CHRM5: variants seen among roughly 807,000 people sequenced by gnomAD.
CHRM5 encodes muscarinic acetylcholine receptor M5.
Under a neutral mutation model 39.0 loss-of-function variants are expected in CHRM5, and 18 were observed. The ratio of observed to expected loss-of-function variants is 0.46; its 90% CI spans 0.32 to 0.68. The LOEUF is 0.68. CHRM5 is among the 30% of genes least tolerant of loss of function. CHRM5 has a pLI of 0.04. For synonymous variants in CHRM5, 241 were observed against 246.3 expected, an observed-to-expected ratio of 0.98 and a Z score of 0.20; for missense variants, 515 against 651.1, an observed-to-expected ratio of 0.79 and a Z score of 2.28.
chr15:34,053,373 T>C (rs931835021), intron 2 of CHRM5, among the ~76,000 whole-genome samples: 12 of 136,836 alleles, frequency 8.8e-5, no homozygotes, highest in Non-Finnish European at 1.7e-4. Flanking sequence ...ATAGCCAAGA[T>C]AATCCGAAGG....
intron 2 of CHRM5, among the ~76,000 whole-genome samples, chr15:34,056,654 G>A (rs1900163217): frequency 6.6e-6 from 1 of 151,958 alleles, no homozygotes; most frequent in African/African-American, 2.4e-5. Flanking sequence ...TGTTAGCCTC[G>A]GCTCTCCTCA....
chr15:33,981,381 C>T (rs1435584531), intron 1 of CHRM5, among the ~76,000 whole-genome samples: 1 of 152,092 alleles, frequency 6.6e-6, no homozygotes, highest in Non-Finnish European at 1.5e-5. Flanking sequence ...AAACAAGTAG[C>T]AAGCATAAGA....
intron 1 of CHRM5, among the ~76,000 whole-genome samples, chr15:34,020,752 T>C (rs1438443003): frequency 2.0e-5 from 3 of 152,206 alleles, no homozygotes; most frequent in Admixed American, 1.3e-4. Flanking sequence ...TAAATGAAAT[T>C]AGGCCAAATT....
chr15:34,023,163 G>T (rs1170245511), intron 1 of CHRM5, among the ~76,000 whole-genome samples: 2 of 151,908 alleles, frequency 1.3e-5, no homozygotes, highest in Non-Finnish European at 2.9e-5. Flanking sequence ...CCTGGCAACA[G>T]AGCGAGACTC....
intron 1 of CHRM5, among the ~76,000 whole-genome samples, chr15:34,002,845 C>A (rs1242920059): frequency 1.3e-5 from 2 of 152,134 alleles, no homozygotes; most frequent in Non-Finnish European, 2.9e-5. Flanking sequence ...ACATGGAAAC[C>A]CTTACTTCCA....
At chr15:34,001,560 T>C (rs1897139307) in intron 1 of CHRM5, among the ~76,000 whole-genome samples, 1 of 152,182 alleles carries the variant, frequency 6.6e-6, no homozygotes, top group Non-Finnish European at 1.5e-5. Flanking sequence ...AAAGTGCTTA[T>C]AAACCCATAA....
chr15:34,057,499 T>C (rs1255240640), intron 2 of CHRM5, among the ~76,000 whole-genome samples: 1 of 152,184 alleles, frequency 6.6e-6, no homozygotes, highest in Non-Finnish European at 1.5e-5. Context: ...GAACATTCCC[T>C]TGTGTCAGGC....
Position 34,063,128 on chromosome 15 carries a change from A to T in CHRM5, c.411A>T (p.Thr137=), listed in dbSNP as rs1314372220. ...DRYFSITRPL[T]YRAKRTPKRA... ...ACTTTTCCATCACAAGACCCTTGAC[A>T]TATCGGGCCAAGCGTACTCCGAAAA... Residue 137 remains threonine, a synonymous_variant, in exon 3 of 3, where the codon ACA becomes ACT. Coordinates refer to ENST00000383263, the MANE Select transcript of CHRM5 (RefSeq NM_012125.4). The surrounding 1 kb of genome is among the most constrained non-coding windows in gnomAD (Gnocchi z 4.1). 6.2e-7 allele frequency: 1 copy of T among 1,614,124 alleles called. No homozygotes were observed. Among genetic ancestry groups the T allele is most frequent in the South Asian group, 1.1e-5 (1 of 91,080 alleles).
chr15:34,038,478 T>C (rs1417560013), intron 1 of CHRM5, among the ~76,000 whole-genome samples: 1 of 152,036 alleles, frequency 6.6e-6, no homozygotes, highest in Non-Finnish European at 1.5e-5. Context: ...CTTGCAGCCC[T>C]GACACACGGC....
intron 1 of CHRM5, among the ~76,000 whole-genome samples, chr15:33,973,695 T>TA (rs891046813): frequency 3.3e-5 from 5 of 152,084 alleles, no homozygotes; most frequent in East Asian, 1.9e-4. Context: ...ATCTAAAAGT[T>TA]AAAAAAATAA....
intron 1 of CHRM5, among the ~76,000 whole-genome samples, chr15:34,004,900 AT>A (rs1378506754): frequency 1.3e-5 from 2 of 152,154 alleles, no homozygotes; most frequent in Non-Finnish European, 2.9e-5. Flanking sequence ...ACATTACAAA[AT>A]CCTTATCAAG....
rs571187999 is a variant in CHRM5, at chr15:34,020,204, G to A, written c.-407-26336G>A. ...TGGGTGCCTGTAGTCCCAGCTACTC[G>A]GGAGGCTGAGGCAGGAGAATGGCGT... On this transcript the variant is annotated intron_variant, in intron 1 of 2. Coordinates refer to ENST00000383263, the MANE Select transcript of CHRM5 (RefSeq NM_012125.4). Among the ~76,000 whole-genome samples, 85 of 152,072 alleles carry A rather than the reference G, an allele frequency of 5.6e-4. 1 individual carries two copies. Among genetic ancestry groups the A allele is most frequent in the African/African-American group, 1.7e-3 (72 of 41,456 alleles).
chr15:34,002,716 A>C (rs1457727863), intron 1 of CHRM5, among the ~76,000 whole-genome samples: 5 of 152,222 alleles, frequency 3.3e-5, no homozygotes, highest in Non-Finnish European at 5.9e-5. Context: ...GTTTCCTCCA[A>C]TATCAAAGAA....
chr15:34,029,100 T>C (rs1274267407), intron 1 of CHRM5, among the ~76,000 whole-genome samples: 2 of 151,856 alleles, frequency 1.3e-5, no homozygotes, highest in South Asian at 2.1e-4. Flanking sequence ...CCCACCAGAG[T>C]AGACATTCAT....
At chr15:33,988,893 C>A (rs1305298173) in intron 1 of CHRM5, among the ~76,000 whole-genome samples, 2 of 152,166 alleles carry the variant, frequency 1.3e-5, no homozygotes, top group Non-Finnish European at 2.9e-5. Flanking sequence ...CCCTTGGATG[C>A]CCAGTTAACA....
intron 1 of CHRM5, among the ~76,000 whole-genome samples, chr15:33,977,568 T>C (rs1895941121): frequency 6.6e-6 from 1 of 152,182 alleles, no homozygotes. Flanking sequence ...CTTGCTCTCC[T>C]CCAAGGACAC....
intron 1 of CHRM5, among the ~76,000 whole-genome samples, chr15:34,010,919 T>C (rs894260201): frequency 6.6e-6 from 1 of 152,252 alleles, no homozygotes; most frequent in African/African-American, 2.4e-5. Flanking sequence ...ATTTGGACCA[T>C]AAGCAACAAC....
intron 2 of CHRM5, among the ~76,000 whole-genome samples, chr15:34,055,007 A>G (rs552892377): frequency 1.3e-5 from 2 of 152,254 alleles, no homozygotes; most frequent in South Asian, 2.1e-4. Flanking sequence ...AGCCTGACCA[A>G]CATGGAGAAA....
chr15:34,037,032 C>T (rs1899162251), intron 1 of CHRM5, among the ~76,000 whole-genome samples: 1 of 151,860 alleles, frequency 6.6e-6, no homozygotes, highest in Non-Finnish European at 1.5e-5. Flanking sequence ...TCACTTGAAC[C>T]CGGGAGGCGG....
Sources: gnomAD v4.1 joint callset for allele counts (sites outside exome capture counted in the v4.1 genomes callset) on GRCh38, gnomAD v4.1.1 for gene constraint, Gnocchi (gnomAD v3.1) non-coding constraint, MANE v1.5 for transcripts, NCBI Gene and HGNC (gene_info 2026-07-23, HGNC 2026-07-21) for gene names.